The following DNAH6 variants were observed in gnomAD, a reference collection of about 807,000 sequenced individuals.
DNAH6 encodes dynein axonemal heavy chain 6, also known as axonemal beta dynein heavy chain 6.
DNAH6 carries 340 observed loss-of-function variants against 491.4 expected under a neutral mutation model. The ratio of observed to expected loss-of-function variants is 0.69; its 90% CI spans 0.63 to 0.76. The LOEUF is 0.76. DNAH6 is among the 30% of genes least tolerant of loss of function. The pLI is 0.00. For missense variants in DNAH6, 4,443 were observed against 4,972.2 expected, an observed-to-expected ratio of 0.89 and a Z score of 3.20; for synonymous variants, 1,603 against 1,686.1, an observed-to-expected ratio of 0.95 and a Z score of 1.21.
intron 13 of DNAH6, among the ~76,000 whole-genome samples, chr2:84,578,518 A>G (rs1030586491): frequency 6.6e-6 from 1 of 152,144 alleles, no homozygotes; most frequent in African/African-American, 2.4e-5. Flanking sequence ...CCAAGGAACC[A>G]ATTATTTCTT....
At chr2:84,667,402 GA>G (rs1404360003) in intron 37 of DNAH6, among the ~76,000 whole-genome samples, 1 of 151,866 alleles carries the variant, frequency 6.6e-6, no homozygotes, top group Non-Finnish European at 1.5e-5. Flanking sequence ...AAATTTACAA[GA>G]AAAAAAATCA....
chr2:84,815,303 C>A (rs185411400), intron 75 of DNAH6, among the ~76,000 whole-genome samples: 6 of 152,146 alleles, frequency 3.9e-5, no homozygotes, highest in South Asian at 2.1e-4. Context: ...CTCCAATTAT[C>A]CAAAGACCTC....
At chr2:84,569,049 C>G (rs895114442) in intron 11 of DNAH6, among the ~76,000 whole-genome samples, 1 of 152,118 alleles carries the variant, frequency 6.6e-6, no homozygotes, top group Non-Finnish European at 1.5e-5. Flanking sequence ...AATACGTTTT[C>G]AACAATACGT....
intron 63 of DNAH6, among the ~76,000 whole-genome samples, chr2:84,761,485 T>C (rs1405333731): frequency 6.6e-6 from 1 of 151,804 alleles, no homozygotes; most frequent in East Asian, 1.9e-4. Context: ...CAGAAAAGAG[T>C]GTCCACCCAA....
chr2:84,730,566 CA>C lies in DNAH6; in HGVS notation c.10206+2674del, dbSNP rs200215137. Among the ~76,000 whole-genome samples, 115 of 150,002 alleles carry C rather than the reference CA, an allele frequency of 7.7e-4. 1 individual carries two copies. Among genetic ancestry groups the C allele is most frequent in the African/African-American group, 1.6e-3 (65 of 40,950 alleles). On this transcript the variant is annotated intron_variant, in intron 61 of 76. Transcript: ENST00000389394. ...GCTGATGAGCTTAAAAAAAAAATCT[CA>C]AAAAAAAAATCTCATAATGTTTTAA... is the stretch of plus-strand genomic sequence containing the variant.
At chr2:84,623,265 C>A (rs1457943952) in intron 26 of DNAH6, among the ~76,000 whole-genome samples, 2 of 152,092 alleles carry the variant, frequency 1.3e-5, no homozygotes, top group Non-Finnish European at 2.9e-5. Flanking sequence ...AACTTAAAAG[C>A]TTTTGCACAG....
At chr2:84,800,588 C>T (rs1467990906) in intron 70 of DNAH6, among the ~76,000 whole-genome samples, 1 of 152,092 alleles carries the variant, frequency 6.6e-6, no homozygotes, top group Non-Finnish European at 1.5e-5. Context: ...TTGAAAATCT[C>T]ACTACGGGAG....
Position 84,688,491 on chromosome 2 carries a change from A to G in DNAH6, c.7190A>G (p.Lys2397Arg), listed in dbSNP as rs1222289165. The G allele has an allele frequency of 1.3e-6, 2 of 1,540,298 alleles. No homozygotes were observed. Among genetic ancestry groups the G allele is most frequent in the African/African-American group, 1.4e-5 (1 of 72,316 alleles). Residue 2397 changes from lysine to arginine, a missense_variant, in exon 45 of 77, where the codon AAA becomes AGA. By Grantham distance (26) the Lys-to-Arg change is conservative. Around this residue, in one of 3 missense-constraint regions of DNAH6, gnomAD observed 2,977 missense variants for 3,296.6 expected, o/e 0.90. Coordinates refer to ENST00000389394, the MANE Select transcript of DNAH6 (RefSeq NM_001370.2). ...TATGATGACATGCCTGATATAGAGA[A>G]AACTGCAAATGTTCTACAGGACTAT... Reference protein sequence around the residue: ...RIYDDMPDIEKTANVLQDYLD... With the variant: ...RIYDDMPDIERTANVLQDYLD...
intron 59 of DNAH6, among the ~76,000 whole-genome samples, chr2:84,720,216 C>T (rs1204396744): frequency 6.7e-6 from 1 of 149,192 alleles, no homozygotes; most frequent in African/African-American, 2.5e-5. Flanking sequence ...CCTAGGGGGT[C>T]CTCTTACAAC....
intron 60 of DNAH6, among the ~76,000 whole-genome samples, chr2:84,725,681 T>A (rs1698560970): frequency 6.6e-6 from 1 of 152,332 alleles, no homozygotes; most frequent in South Asian, 2.1e-4. Context: ...GGATGAATCA[T>A]GAAAGCTCTG....
the DNAH6 span, among the ~76,000 whole-genome samples, chr2:84,470,320 G>A: frequency 0.11 from 16,473 of 152,182 alleles, 1,080 homozygotes; most frequent in Non-Finnish European, 0.14. Flanking sequence ...AATTCAGAGC[G>A]AGTCCACAGT....
At chr2:84,468,329 C>G in the DNAH6 span, among the ~76,000 whole-genome samples, 1 of 152,146 alleles carries the variant, frequency 6.6e-6, no homozygotes, top group Non-Finnish European at 1.5e-5. Flanking sequence ...TTTTAAGTTT[C>G]TTAATTGGAT....
chr2:84,728,840 C>G (rs2104963543), intron 61 of DNAH6, among the ~76,000 whole-genome samples: 1 of 152,162 alleles, frequency 6.6e-6, no homozygotes, highest in South Asian at 2.1e-4. Context: ...TAGTGGCCCA[C>G]AGAGGTGAGC....
intron 4 of DNAH6, among the ~76,000 whole-genome samples, chr2:84,535,270 A>G (rs1677578349): frequency 6.6e-6 from 1 of 151,996 alleles, no homozygotes; most frequent in African/African-American, 2.4e-5. Context: ...AAGCTAGAAA[A>G]CTATCAGATC....
chr2:84,706,768 A>G (rs1696489746), intron 52 of DNAH6, 128 bp from the exon 53 acceptor site: 2 of 1,048,894 alleles, frequency 1.9e-6, no homozygotes, highest in Non-Finnish European at 1.3e-6. Flanking sequence ...AACTTTATGT[A>G]TCACATCAAA....
chr2:84,713,320 T>G, intron 57 of DNAH6, 61 bp downstream of exon 57: 3 of 1,491,408 alleles, frequency 2.0e-6, no homozygotes, highest in Non-Finnish European at 1.8e-6. Flanking sequence ...AATGAATCTC[T>G]GAAGTTTGAT....
chr2:84,484,198 A>G, the DNAH6 span, among the ~76,000 whole-genome samples: 2 of 152,132 alleles, frequency 1.3e-5, no homozygotes, highest in African/African-American at 4.8e-5. Context: ...AGTCCAGGAT[A>G]TATGAGGCAG....
At chr2:84,484,878 G>A in the DNAH6 span, among the ~76,000 whole-genome samples, 9 of 152,158 alleles carry the variant, frequency 5.9e-5, no homozygotes, top group African/African-American at 1.9e-4. Flanking sequence ...ATTCAAGTGT[G>A]CATCAGGGTT....
At chr2:84,516,854 G>A (rs1467191828) in intron 1 of DNAH6, among the ~76,000 whole-genome samples, 1 of 152,144 alleles carries the variant, frequency 6.6e-6, no homozygotes, top group African/African-American at 2.4e-5. Flanking sequence ...TGGCTAGTCT[G>A]AATTGCAATG....
Sources: gnomAD v4.1 joint callset for allele counts (sites outside exome capture counted in the v4.1 genomes callset) on GRCh38, gnomAD v4.1.1 for gene constraint, gnomAD v4.1.1 regional missense constraint, MANE v1.5 for transcripts, NCBI Gene and HGNC (gene_info 2026-07-23, HGNC 2026-07-21) for gene names.